ATRN: variants seen among roughly 807,000 people sequenced by gnomAD.
ATRN encodes attractin.
ATRN carries 54 observed loss-of-function variants against 178.7 expected under a neutral mutation model. The ratio of observed to expected loss-of-function variants is 0.30; its 90% confidence interval spans 0.24 to 0.38. The LOEUF (loss-of-function observed/expected upper bound fraction) is 0.38. Ranked by LOEUF, ATRN falls within the 10% of genes least tolerant of loss-of-function variation. The pLI is 1.00. For synonymous variants in ATRN, 636 were observed against 663.0 expected (o/e 0.96, Z 0.63); for missense variants, 1,443 against 1,815.1 (o/e 0.79, Z 3.73).
chr20:3,501,517 A>G (rs1428387259), intron 1 of ATRN, among the ~76,000 whole-genome samples: 1 of 152,204 alleles, frequency 6.6e-6, no homozygotes, highest in Non-Finnish European at 1.5e-5. Context: ...ACAGGCTACT[A>G]GGGAGATTTT....
At chr20:3,483,109 C>T (rs2146073031) in intron 1 of ATRN, among the ~76,000 whole-genome samples, 1 of 152,272 alleles carries the variant, frequency 6.6e-6, no homozygotes. Context: ...TTGCATGTTT[C>T]TACTCTTATT....
At chr20:3,565,622 TG>T (rs1239281486) in intron 11 of ATRN, among the ~76,000 whole-genome samples, 190 bp downstream of exon 11, 1 of 151,942 alleles carries the variant, frequency 6.6e-6, no homozygotes, top group African/African-American at 2.4e-5. Context: ...AAAAATTAGC[TG>T]GGCTTGGTAG....
At chr20:3,646,049 T>C (rs2087105648) in intron 28 of ATRN, among the ~76,000 whole-genome samples, 1 of 152,208 alleles carries the variant, frequency 6.6e-6, no homozygotes. Context: ...ACTAAGACTT[T>C]ATGCATGCCA....
At chr20:3,545,234 G>C (rs954485272) in intron 3 of ATRN, among the ~76,000 whole-genome samples, 1 of 151,902 alleles carries the variant, frequency 6.6e-6, no homozygotes, top group Non-Finnish European at 1.5e-5. Context: ...TGGGCATGGT[G>C]GTGGGCACCT....
chr20:3,639,786 A>G (rs1455478600), intron 27 of ATRN, among the ~76,000 whole-genome samples: 1 of 152,182 alleles, frequency 6.6e-6, no homozygotes, highest in Non-Finnish European at 1.5e-5. Flanking sequence ...AAGTAGGTAA[A>G]ATCTCCAGGG....
chr20:3,535,250 C>T lies in ATRN; in HGVS notation c.411-3C>T. 4 of 1,449,056 alleles carry T rather than the reference C, an allele frequency of 2.8e-6. No homozygotes were observed. The highest frequency in any genetic ancestry group is 3.7e-6 in the Non-Finnish European group (4 of 1,083,620). 89.8% of individuals were successfully genotyped at this position (1,449,056 alleles called of 1,614,324 possible). On this transcript the variant is annotated splice_region_variant and splice_polypyrimidine_tract_variant and intron_variant, in intron 1 of 28. Transcript: ENST00000262919. ...AAGTTTTCTTTCTTGATTTAAATTA[C>T]AGACTAACTGGATCTTCTGGGTTTG...
chr20:3,520,737 T>A (rs901089308), intron 1 of ATRN, among the ~76,000 whole-genome samples: 3 of 152,192 alleles, frequency 2.0e-5, no homozygotes, highest in Non-Finnish European at 4.4e-5. Flanking sequence ...CCTCAAGTGA[T>A]CTGCCTGCCT....
chr20:3,496,701 T>G (rs376600555), intron 1 of ATRN, among the ~76,000 whole-genome samples: 20 of 152,200 alleles, frequency 1.3e-4, no homozygotes, highest in Middle Eastern at 3.4e-3. Flanking sequence ...TCAATTCCTG[T>G]GTATCCTTGT....
At chr20:3,536,770 T>C (rs1320793434) in intron 2 of ATRN, among the ~76,000 whole-genome samples, 1 of 152,188 alleles carries the variant, frequency 6.6e-6, no homozygotes, top group Non-Finnish European at 1.5e-5. Context: ...AGTATGTTAT[T>C]GTGGTTGAAG....
chr20:3,549,605 A>G (rs1055632585), intron 6 of ATRN, among the ~76,000 whole-genome samples: 1 of 152,224 alleles, frequency 6.6e-6, no homozygotes, highest in East Asian at 1.9e-4. Flanking sequence ...AGTAAGTTCT[A>G]TATAAGTAGG....
intron 25 of ATRN, among the ~76,000 whole-genome samples, 171 bp from the exon 26 acceptor site, chr20:3,634,140 G>A (rs1040881474): frequency 6.6e-6 from 1 of 152,204 alleles, no homozygotes; most frequent in African/African-American, 2.4e-5. Context: ...GCTTACCGAA[G>A]TTGTCTCACT....
At chr20:3,608,454 T>C (rs1321205879) in intron 24 of ATRN, among the ~76,000 whole-genome samples, 1 of 152,220 alleles carries the variant, frequency 6.6e-6, no homozygotes, top group East Asian at 1.9e-4. Flanking sequence ...CACCATTTAT[T>C]GAAGAACCTG....
At chr20:3,640,861 A>G (rs1340306107) in intron 27 of ATRN, among the ~76,000 whole-genome samples, 1 of 152,226 alleles carries the variant, frequency 6.6e-6, no homozygotes, top group African/African-American at 2.4e-5. Context: ...AGCAGGCCCA[A>G]GTGTCCATGG....
intron 1 of ATRN, among the ~76,000 whole-genome samples, chr20:3,520,428 C>A (rs1426529750): frequency 6.6e-6 from 1 of 152,102 alleles, no homozygotes; most frequent in East Asian, 1.9e-4. Context: ...GGAAGATAAC[C>A]ATTGATAAGA....
At chr20:3,548,061 T>A (rs1292194859) in intron 5 of ATRN, among the ~76,000 whole-genome samples, 1 of 152,218 alleles carries the variant, frequency 6.6e-6, no homozygotes, top group East Asian at 1.9e-4. Flanking sequence ...TGGCTGACAT[T>A]TTAGAGTTAA....
At chr20:3,583,286 C>T (rs1325799357) in intron 16 of ATRN, among the ~76,000 whole-genome samples, 1 of 152,152 alleles carries the variant, frequency 6.6e-6, no homozygotes, top group Non-Finnish European at 1.5e-5. Context: ...ATTGTAAAAC[C>T]CCTAAAGTTC....
chr20:3,594,685 G>T, intron 20 of ATRN, 113 bp downstream of exon 20: 1 of 830,204 alleles, frequency 1.2e-6, no homozygotes, highest in South Asian at 2.5e-5. Flanking sequence ...GGGCTCTGAG[G>T]GATCCCTGGG....
chr20:3,625,036 T>G (rs1186935122), intron 25 of ATRN, among the ~76,000 whole-genome samples: 9 of 152,240 alleles, frequency 5.9e-5, no homozygotes, highest in Admixed American at 2.0e-4. Context: ...TTTTTCGTAG[T>G]CTAATTTTAT....
chr20:3,549,149 A>G, intron 5 of ATRN, 21 bp from the exon 6 acceptor site: 1 of 1,559,126 alleles, frequency 6.4e-7, no homozygotes, highest in Non-Finnish European at 8.6e-7. Flanking sequence ...TTGTGAAGCT[A>G]ATTCATTATG....
Sources: gnomAD v4.1 joint callset for allele counts (sites outside exome capture counted in the v4.1 genomes callset) on GRCh38, gnomAD v4.1.1 for gene constraint, MANE v1.5 for transcripts, NCBI Gene and HGNC (gene_info 2026-07-23, HGNC 2026-07-21) for gene names.